CENPC: variants seen among roughly 807,000 people sequenced by gnomAD.
The protein encoded by CENPC is centromere protein C, also known as CENP-C 1.
Under a neutral mutation model 112.1 loss-of-function variants are expected in CENPC, and 63 were observed. The ratio of observed to expected loss-of-function variants is 0.56; its 90% CI spans 0.46 to 0.69. The LOEUF is 0.69. CENPC is among the 30% of genes least tolerant of loss of function. The pLI is 0.00. For missense variants in CENPC, 1,000 were observed against 1,103.8 expected (o/e 0.91, Z 1.33); for synonymous variants, 333 against 367.6 (o/e 0.91, Z 1.08).
At chr4:67,543,138 A>C (rs1726933814) in intron 2 of CENPC, among the ~76,000 whole-genome samples, 1 of 152,024 alleles carries the variant, frequency 6.6e-6, no homozygotes. Flanking sequence ...GATTTAGGAG[A>C]GCTTATTCAA....
At chr4:67,530,450 C>A (rs1726513352) in intron 5 of CENPC, among the ~76,000 whole-genome samples, 2 of 149,930 alleles carry the variant, frequency 1.3e-5, no homozygotes, top group Admixed American at 6.6e-5. Flanking sequence ...TTTATGGGCA[C>A]CAATTAAGGT....
At chr4:67,541,099 T>A in intron 2 of CENPC, 49 bp from the exon 3 acceptor site, 1 of 1,178,060 alleles carries the variant, frequency 8.5e-7, no homozygotes, top group Non-Finnish European at 1.2e-6. Context: ...TATTTCTTTA[T>A]ATTACCATCT....
chr4:67,496,874 T>G, intron 12 of CENPC, among the ~76,000 whole-genome samples: 1 of 148,176 alleles, frequency 6.7e-6, no homozygotes. Flanking sequence ...TAAATCTGTG[T>G]ACCCCCCACC....
intron 12 of CENPC, among the ~76,000 whole-genome samples, chr4:67,502,040 AAAG>A (rs1398760222): frequency 6.6e-6 from 1 of 152,184 alleles, no homozygotes; most frequent in African/African-American, 2.4e-5. Flanking sequence ...TCTACAAAGG[AAAG>A]AAGAAATAAG....
At chr4:67,487,711 ATTTAAC>A (rs1725130906) in intron 17 of CENPC, among the ~76,000 whole-genome samples, 1 of 151,438 alleles carries the variant, frequency 6.6e-6, no homozygotes, top group Non-Finnish European at 1.5e-5. Flanking sequence ...TCTCTACATT[ATTTAAC>A]TTTAATATTT....
chr4:67,531,612 G>A (rs1002244852), intron 4 of CENPC, among the ~76,000 whole-genome samples: 7 of 152,186 alleles, frequency 4.6e-5, no homozygotes, highest in Admixed American at 4.6e-4. Context: ...GGCAGGGGAT[G>A]CCTATGGGAC....
At chr4:67,473,964 G>GA (rs1577967679) in intron 18 of CENPC, among the ~76,000 whole-genome samples, 2 of 152,166 alleles carry the variant, frequency 1.3e-5, no homozygotes. Flanking sequence ...TCTTGAAACA[G>GA]TTTAAAATAA....
chr4:67,533,699 A>G (rs1257683841), intron 4 of CENPC, among the ~76,000 whole-genome samples: 1 of 152,206 alleles, frequency 6.6e-6, no homozygotes, highest in Non-Finnish European at 1.5e-5. Context: ...ATTACTGTTT[A>G]TGGAGAAACC....
intron 5 of CENPC, among the ~76,000 whole-genome samples, chr4:67,527,411 TA>T (rs1726414741): frequency 6.6e-6 from 1 of 151,160 alleles, no homozygotes; most frequent in Non-Finnish European, 1.5e-5. Context: ...AAACATCTAT[TA>T]AAAACTTATA....
rs977725119 is a variant in CENPC, at chr4:67,471,518, T to C, written c.*1087A>G. 1.3e-5 allele frequency: 2 copies of C among 151,676 alleles called. No individual in the cohort carries two copies. The highest frequency in any genetic ancestry group is 4.8e-5 in the African/African-American group (2 of 41,276). 9.4% of individuals were successfully genotyped at this position (151,676 alleles called of 1,614,324 possible). On this transcript the variant is annotated 3_prime_UTR_variant, in exon 19 of 19. Coordinates refer to ENST00000273853, the MANE Select transcript of CENPC (RefSeq NM_001812.4). ...CTTCAATAAGACTTCATAACAAATA[T>C]ATTCAAAGAAATAAAAGTAAAAAAA...
chr4:67,484,107 G>A (rs1399435142), intron 17 of CENPC, among the ~76,000 whole-genome samples: 1 of 152,136 alleles, frequency 6.6e-6, no homozygotes, highest in Non-Finnish European at 1.5e-5. Flanking sequence ...TCCATTCATG[G>A]TAAGTGCCCT....
At chr4:67,520,297 C>T (rs865901241) in intron 5 of CENPC, among the ~76,000 whole-genome samples, 1 of 152,192 alleles carries the variant, frequency 6.6e-6, no homozygotes, top group South Asian at 2.1e-4. Context: ...GCCAGTCCCG[C>T]TTCTACAATC....
At chr4:67,480,622 A>G (rs1315526185) in intron 17 of CENPC, among the ~76,000 whole-genome samples, 2 of 152,370 alleles carry the variant, frequency 1.3e-5, no homozygotes, top group East Asian at 3.9e-4. Context: ...AATGATTCCA[A>G]AAGACAGAGA....
At chr4:67,517,529 A>G (rs900347519) in intron 7 of CENPC, among the ~76,000 whole-genome samples, 1 of 151,802 alleles carries the variant, frequency 6.6e-6, no homozygotes, top group African/African-American at 2.4e-5. Flanking sequence ...GCAGCCTAAC[A>G]TAACGATTTC....
chr4:67,472,104 A>G lies in CENPC; in HGVS notation c.*501T>C, dbSNP rs1368380537. The G allele has an allele frequency of 6.6e-6, 1 of 152,216 alleles. No individual in the cohort carries two copies. Among genetic ancestry groups the G allele is most frequent in the East Asian group, 1.9e-4 (1 of 5,194 alleles). 9.4% of individuals were successfully genotyped at this position (152,216 alleles called of 1,614,324 possible). A position where few individuals can be genotyped will look rare whatever the true frequency, so the allele number is the denominator to read the frequency against. On this transcript the variant is annotated 3_prime_UTR_variant, in exon 19 of 19. Coordinates refer to ENST00000273853, the MANE Select transcript of CENPC (RefSeq NM_001812.4). The stretch of plus-strand genomic sequence containing the variant: ...TCAAAGACATCACGGCCTTGACAAC[A>G]CCTTGATTTCAGACTTCTAGCCTCT...
intron 17 of CENPC, among the ~76,000 whole-genome samples, chr4:67,484,390 C>T (rs2109767867): frequency 6.6e-6 from 1 of 152,236 alleles, no homozygotes; most frequent in East Asian, 1.9e-4. Context: ...TACAGATGTC[C>T]CCAACCCCCA....
intron 5 of CENPC, among the ~76,000 whole-genome samples, chr4:67,526,929 G>C (rs893198454): frequency 2.0e-5 from 3 of 152,066 alleles, no homozygotes; most frequent in Non-Finnish European, 4.4e-5. Flanking sequence ...AACTGAAATT[G>C]CACAGTGCAT....
At chr4:67,512,883 T>C (rs1295085372) in intron 8 of CENPC, among the ~76,000 whole-genome samples, 2 of 152,076 alleles carry the variant, frequency 1.3e-5, no homozygotes, top group South Asian at 2.1e-4. Context: ...TAAGTAAAAG[T>C]AGGCAATTAC....
At chr4:67,495,552 T>G (rs1725408035) in intron 12 of CENPC, among the ~76,000 whole-genome samples, 1 of 152,146 alleles carries the variant, frequency 6.6e-6, no homozygotes, top group Non-Finnish European at 1.5e-5. Context: ...GGAAGGGGTT[T>G]TATTGGACCA....
Sources: gnomAD v4.1 joint callset for allele counts (sites outside exome capture counted in the v4.1 genomes callset) on GRCh38, gnomAD v4.1.1 for gene constraint, MANE v1.5 for transcripts, NCBI Gene and HGNC (gene_info 2026-07-23, HGNC 2026-07-21) for gene names.